The following TECTA variants were observed in gnomAD, a reference collection of about 807,000 sequenced individuals.
The protein encoded by TECTA is alpha-tectorin.
Under a neutral mutation model 216.8 loss-of-function variants are expected in TECTA, and 128 were observed. The observed-to-expected ratio is 0.59, with a 90% CI of 0.51 to 0.68. TECTA has a LOEUF of 0.68. Among genes scored for constraint, TECTA ranks in the 30% least tolerant of loss-of-function variants. The pLI is 0.00. For synonymous variants in TECTA, 1,089 were observed against 1,117.1 expected, an observed-to-expected ratio of 0.97 and a Z score of 0.50; for missense variants, 2,551 against 2,786.2, an observed-to-expected ratio of 0.92 and a Z score of 1.90.
At chr11:121,129,552 GCAGACCGTGTCTTTATCCCA>G in intron 9 of TECTA, 66 bp from the exon 10 acceptor site, 1 of 1,388,818 alleles carries the variant, frequency 7.2e-7, no homozygotes, top group Non-Finnish European at 1.0e-6. Context: ...TAGCAATAGG[GCAGACCGTGTCTTTATCCCA>G]CAGCCTAGGA....
At chr11:121,153,819 G>A (rs1448594833) in intron 13 of TECTA, among the ~76,000 whole-genome samples, 2 of 152,184 alleles carry the variant, frequency 1.3e-5, no homozygotes, top group East Asian at 1.9e-4. Context: ...ATAATACTAA[G>A]CTAGAAAAGC....
chr11:121,118,356 G>T lies in TECTA; in HGVS notation c.841G>T (p.Val281Phe). 6.2e-7 allele frequency: 1 copy of T among 1,614,138 alleles called. No homozygotes were observed. The change falls in exon 7 of 24, where the codon GTC (valine) becomes TTC (phenylalanine). Residue 281 changes from valine to phenylalanine, a missense_variant. Physicochemically the swap from Val to Phe is conservative, Grantham distance 50 (BLOSUM62 -1). This residue lies in a region of TECTA where 2,375 missense variants were observed against 2,563.9 expected (regional missense o/e 0.93). Coordinates refer to ENST00000392793, the MANE Select transcript of TECTA (RefSeq NM_005422.4). ...GTTTTGGGATGACTTGAACTGCACC[G>T]TCAAGTGCCGCTGTCTGGATTTCAA... ...EVFWDDLNCT[V>F]KCRCLDFNNE...
chr11:121,142,390 G>C (rs1398660415), intron 11 of TECTA, among the ~76,000 whole-genome samples: 1 of 152,090 alleles, frequency 6.6e-6, no homozygotes, highest in Non-Finnish European at 1.5e-5. Context: ...AGAGAGAGAG[G>C]CAGGGCAGTG....
intron 7 of TECTA, 139 bp from the exon 8 acceptor site, chr11:121,125,163 A>G: frequency 1.2e-6 from 1 of 859,656 alleles, no homozygotes; most frequent in Non-Finnish European, 1.9e-6. Flanking sequence ...ATCAGAGGGA[A>G]GCCCACTGGA....
chr11:121,118,794 C>T, intron 7 of TECTA, 76 bp downstream of exon 7: 1 of 1,556,632 alleles, frequency 6.4e-7, no homozygotes, highest in Non-Finnish European at 8.8e-7. Flanking sequence ...TTCCCCAGAT[C>T]TACTGGTTCT....
intron 4 of TECTA, among the ~76,000 whole-genome samples, chr11:121,111,668 T>C (rs1349538777): frequency 6.6e-6 from 1 of 152,170 alleles, no homozygotes; most frequent in Non-Finnish European, 1.5e-5. Context: ...AGGAGAATCT[T>C]GGTCTGAAGG....
intron 6 of TECTA, among the ~76,000 whole-genome samples, chr11:121,115,366 G>C (rs80282202): frequency 0.068 from 10,404 of 152,316 alleles, 388 homozygotes; most frequent in South Asian, 0.12. Context: ...AGGTGCTGGA[G>C]ATAAAGCTGC....
rs1565531399 is a variant in TECTA at position 121,152,901 on chromosome 11, A to T, written c.4126A>T (p.Ser1376Cys). 6.2e-7 allele frequency: 1 copy of T among 1,601,934 alleles called. No individual in the cohort carries two copies. Among genetic ancestry groups the T allele is most frequent in the Non-Finnish European group, 8.5e-7 (1 of 1,170,062 alleles). ...TCCAGCTGTCACCTGCCCTCCAAAC[A>T]GCCATTACGAGAGCTGCGTGAGTGT... is the stretch of plus-strand genomic sequence containing the variant. Reference protein sequence around the residue: ...TSCTVTCPPNSHYESCVSVCQ... With the variant: ...TSCTVTCPPNCHYESCVSVCQ... Residue 1376 changes from serine (S) to cysteine (C), a missense_variant, in exon 13 of 24, where the codon AGC (serine) becomes TGC (cysteine). Ser to Cys is a moderately radical substitution (Grantham distance 112, BLOSUM62 -1). This residue lies in a region of TECTA where 2,375 missense variants were observed against 2,563.9 expected (regional missense o/e 0.93). Coordinates refer to ENST00000392793, the MANE Select transcript of TECTA (RefSeq NM_005422.4).
At chr11:121,117,341 A>T (rs1388322570) in intron 6 of TECTA, among the ~76,000 whole-genome samples, 2 of 152,090 alleles carry the variant, frequency 1.3e-5, no homozygotes, top group Non-Finnish European at 2.9e-5. Context: ...CAGATTTGTG[A>T]CTGCTGCCCA....
At chr11:121,120,060 G>A (rs929632372) in intron 7 of TECTA, among the ~76,000 whole-genome samples, 2 of 152,202 alleles carry the variant, frequency 1.3e-5, no homozygotes, top group Admixed American at 1.3e-4. Flanking sequence ...CTACTTTCCT[G>A]TATTTGGGGA....
intron 4 of TECTA, among the ~76,000 whole-genome samples, chr11:121,111,117 C>T (rs937707878): frequency 3.3e-5 from 5 of 152,304 alleles, no homozygotes; most frequent in African/African-American, 1.2e-4. Flanking sequence ...GGAAAAGGGA[C>T]ATGTTTACTT....
chr11:121,152,781 C>G, intron 12 of TECTA, 100 bp from the exon 13 acceptor site: 1 of 1,277,636 alleles, frequency 7.8e-7, no homozygotes, highest in East Asian at 2.4e-5. Flanking sequence ...TGCCTCTCCC[C>G]GTGCCTTTCA....
chr11:121,137,579 A>C lies in TECTA; in HGVS notation c.3100A>C (p.Ser1034Arg). Reference sequence around the variant, plus strand: ...ACTGGGCAGCCAGTGTGTCACGCGGAGTGAGTGTGGCTGCAACTTTGAGGG... The same window carrying C: ...ACTGGGCAGCCAGTGTGTCACGCGGCGTGAGTGTGGCTGCAACTTTGAGGG... ...ALLGSQCVTRSECGCNFEGHQ... is the reference protein window; with the variant it reads ...ALLGSQCVTRRECGCNFEGHQ... Residue 1034 changes from serine to arginine, a missense_variant, in exon 11 of 24, where the codon AGT (serine) becomes CGT (arginine). Ser to Arg is a moderately radical substitution (Grantham distance 110). Transcript: ENST00000392793. The C allele has an allele frequency of 2.5e-6, 4 of 1,613,852 alleles. No individual in the cohort carries two copies. Among genetic ancestry groups the C allele is most frequent in the Non-Finnish European group, 2.5e-6 (3 of 1,179,952 alleles).
At chr11:121,161,063 A>G (rs941546332) in intron 15 of TECTA, among the ~76,000 whole-genome samples, 1 of 152,180 alleles carries the variant, frequency 6.6e-6, no homozygotes, top group Admixed American at 6.5e-5. Context: ...TTAGTTCTCC[A>G]CTTGTACAAT....
chr11:121,162,194 G>A lies in TECTA; in HGVS notation c.5096G>A (p.Gly1699Asp). The change falls in exon 16 of 24, where the codon GGC becomes GAC. Residue 1699 changes from glycine to aspartate, a missense_variant. By Grantham distance (94) the Gly-to-Asp change is moderately conservative (BLOSUM62 -1). Transcript: ENST00000392793. ...TGCCTGAAGCTCACCGACATGAAGG[G>A]CTTCTTCCAGCCCTGCTATGGGCTT... ...GYCLKLTDMK[G>D]FFQPCYGLLD... The A allele has an allele frequency of 6.2e-7, 1 of 1,614,156 alleles. No individual in the cohort carries two copies.
intron 3 of TECTA, among the ~76,000 whole-genome samples, chr11:121,107,943 A>G (rs1946405629): frequency 6.6e-6 from 1 of 152,186 alleles, no homozygotes; most frequent in South Asian, 2.1e-4. Flanking sequence ...CTGGAATGGA[A>G]CTGGGCATCT....
Position 121,190,860 on chromosome 11 carries a change from T to C in TECTA, c.*54T>C. ...GTAATTTACTTACTTCAACACCCTG[T>C]AGGATAAAAAGTGTGTGCCCTTAAG... On this transcript the variant is annotated 3_prime_UTR_variant, in exon 24 of 24. Transcript: ENST00000392793. The C allele has an allele frequency of 7.3e-7, 1 of 1,367,204 alleles. No individual in the cohort carries two copies. The highest frequency in any genetic ancestry group is 1.2e-5 in the South Asian group (1 of 83,836). The allele number at this position is 1,367,204 out of a possible 1,614,324, so 84.7% of individuals were successfully genotyped here.
intron 6 of TECTA, among the ~76,000 whole-genome samples, chr11:121,116,147 G>T (rs932604369): frequency 1.3e-5 from 2 of 152,142 alleles, no homozygotes; most frequent in African/African-American, 2.4e-5. Context: ...TAAATGTTTT[G>T]CAGCTAAGCT....
At position 121,113,111 on chromosome 11, in the gene TECTA, T is replaced by C; in HGVS notation, c.526T>C (p.Tyr176His). The C allele has an allele frequency of 6.2e-7, 1 of 1,614,148 alleles. No individual in the cohort carries two copies. The highest frequency in any genetic ancestry group is 8.5e-7 in the Non-Finnish European group (1 of 1,180,032). Residue 176 changes from tyrosine (Y) to histidine (H), a missense_variant, in exon 5 of 24, where the codon TAT becomes CAT. Physicochemically the swap from Tyr to His is moderately conservative, Grantham distance 83. Around this residue, in one of 3 missense-constraint regions of TECTA, gnomAD observed 2,375 missense variants for 2,563.9 expected, o/e 0.93. Transcript: ENST00000392793. The surrounding 1 kb of genome is among the most constrained non-coding windows in gnomAD (Gnocchi z 4.2). ...FQAVLVSDGS[Y>H]TFTLFNYYEI... ...GGCCGTCCTAGTGTCCGATGGCTCC[T>C]ATACATTCACCCTCTTCAATTATTA...
Sources: allele counts gnomAD v4.1 joint callset (sites outside exome capture counted in the v4.1 genomes callset), GRCh38; gene constraint gnomAD v4.1.1; regional missense constraint gnomAD v4.1.1; non-coding constraint Gnocchi (gnomAD v3.1); transcripts MANE v1.5; gene names NCBI Gene and HGNC (gene_info 2026-07-23, HGNC 2026-07-21).